Variants in TACC2 observed in about 807,000 individuals in gnomAD.
The protein encoded by TACC2 is transforming acidic coiled-coil containing protein 2.
TACC2 carries 137 observed loss-of-function variants against 227.3 expected under a neutral mutation model. The observed-to-expected ratio is 0.60, with a 90% confidence interval of 0.52 to 0.69. TACC2 has a LOEUF of 0.69. Ranked by LOEUF, TACC2 falls within the 30% of genes least tolerant of loss-of-function variation. The pLI is 0.00. For missense variants in TACC2, 3,470 were observed against 3,694.4 expected (o/e 0.94, Z 1.57); for synonymous variants, 1,523 against 1,487.5 (o/e 1.02, Z -0.55).
intron 2 of TACC2, among the ~76,000 whole-genome samples, chr10:122,049,600 G>T (rs533186369): frequency 6.6e-6 from 1 of 152,252 alleles, no homozygotes; most frequent in South Asian, 2.1e-4. Flanking sequence ...GGGGCACAGG[G>T]TCGCCGCTGG....
chr10:122,247,062 G>C (rs954749159), intron 19 of TACC2: 99 of 152,784 alleles, frequency 6.5e-4, no homozygotes, highest in African/African-American at 2.4e-3. Context: ...GTAGAGGGCA[G>C]AGCATGTGGG....
chr10:122,179,376 A>G (rs1417170437), intron 7 of TACC2, among the ~76,000 whole-genome samples: 2 of 152,240 alleles, frequency 1.3e-5, no homozygotes, highest in Non-Finnish European at 2.9e-5. Context: ...CAGTATATAA[A>G]GGATTCAGAA....
intron 7 of TACC2, among the ~76,000 whole-genome samples, chr10:122,170,386 T>C (rs2093412945): frequency 6.8e-6 from 1 of 147,738 alleles, no homozygotes; most frequent in Non-Finnish European, 1.5e-5. Context: ...TTCTCCTGCC[T>C]CAGCCTCCCA....
chr10:122,229,882 C>G (rs1479714987), intron 15 of TACC2, among the ~76,000 whole-genome samples: 1 of 152,166 alleles, frequency 6.6e-6, no homozygotes, highest in East Asian at 1.9e-4. Context: ...CTCAGTCTTG[C>G]ATCTGGAACC....
intron 1 of TACC2, among the ~76,000 whole-genome samples, chr10:122,003,021 G>A (rs1342662070): frequency 2.6e-5 from 4 of 152,062 alleles, no homozygotes; most frequent in Non-Finnish European, 4.4e-5. Context: ...TGGCCAACAT[G>A]GTGAAACCCC....
intron 6 of TACC2, among the ~76,000 whole-genome samples, chr10:122,142,285 G>A (rs536092039): frequency 6.5e-4 from 99 of 152,350 alleles, no homozygotes; most frequent in African/African-American, 2.3e-3. Flanking sequence ...GACACTTGGC[G>A]GTATCCCCTC....
intron 2 of TACC2, among the ~76,000 whole-genome samples, chr10:122,040,628 C>T (rs1333078550): frequency 1.3e-5 from 2 of 152,026 alleles, no homozygotes; most frequent in African/African-American, 2.4e-5. Flanking sequence ...TAGCTCTGAC[C>T]GTGTGGGGAG....
chr10:122,034,948 T>A (rs1207738934), intron 2 of TACC2, among the ~76,000 whole-genome samples: 1 of 150,978 alleles, frequency 6.6e-6, no homozygotes, highest in East Asian at 1.9e-4. Flanking sequence ...AAAAAAAAGT[T>A]TTGGAATCAG....
At chr10:122,042,234 T>A (rs896797456) in intron 2 of TACC2, among the ~76,000 whole-genome samples, 3 of 151,878 alleles carry the variant, frequency 2.0e-5, no homozygotes, top group African/African-American at 7.3e-5. Context: ...CGTAAGCCAC[T>A]GCACATGGCC....
chr10:122,157,239 T>G (rs2139679424), intron 7 of TACC2, among the ~76,000 whole-genome samples: 1 of 152,358 alleles, frequency 6.6e-6, no homozygotes. Context: ...TATGTAACCT[T>G]GTTACCATGG....
chr10:122,127,995 C>T (rs2087212131), intron 5 of TACC2, among the ~76,000 whole-genome samples: 1 of 152,234 alleles, frequency 6.6e-6, no homozygotes, highest in African/African-American at 2.4e-5. Context: ...CTGACACTCT[C>T]AGCCATGTTT....
At position 122,227,842 on chromosome 10, in the gene TACC2, G is replaced by A; in HGVS notation, c.7730G>A (p.Ser2577Asn). Residue 2577 changes from serine (S) to asparagine (N), a missense_variant, in exon 14 of 23, where the codon AGT becomes AAT. Physicochemically the swap from Ser to Asn is conservative, Grantham distance 46. Around this residue, in one of 10 missense-constraint regions of TACC2, gnomAD observed 345 missense variants for 354.4 expected, o/e 0.97. Coordinates refer to ENST00000369005, the MANE Select transcript of TACC2 (RefSeq NM_206862.4). ...ATGCCCTTTGCTTCCCCCAGGTCAA[G>A]TTTTGAAGAGACTGAAGCCCTTGTG... The part of the protein sequence containing the change: ...SESPTPCSGS[S>N]FEETEALVNT... 1 of 1,610,832 alleles carries A rather than the reference G, an allele frequency of 6.2e-7. No individual in the cohort carries two copies. The highest frequency in any genetic ancestry group is 1.7e-4 in the Middle Eastern group (1 of 6,044).
intron 13 of TACC2, among the ~76,000 whole-genome samples, chr10:122,226,935 G>A (rs750443651): frequency 5.3e-5 from 8 of 152,148 alleles, no homozygotes; most frequent in South Asian, 2.1e-4. Context: ...TTCAAAGCTC[G>A]AATCCCACCT....
At chr10:122,203,788 T>C (rs530957313) in intron 8 of TACC2, among the ~76,000 whole-genome samples, 1 of 152,202 alleles carries the variant, frequency 6.6e-6, no homozygotes, top group South Asian at 2.1e-4. Flanking sequence ...TCTCTGCACT[T>C]TGGGAGGCCA....
chr10:122,215,016 C>T (rs949530574), intron 9 of TACC2, among the ~76,000 whole-genome samples: 2 of 152,124 alleles, frequency 1.3e-5, no homozygotes, highest in African/African-American at 4.8e-5. Flanking sequence ...AGCCTAGAGC[C>T]CCTCCCCTAG....
rs774454610 is a variant in TACC2 at position 122,085,359 on chromosome 10, C to A, written c.2859C>A (p.Cys953Ter). ...GGGAGAAGCGGCCAGAGGGAGCATG[C>A]GGTGATGGTCAGTCCTCGAGGGTCT... ...ALGEKRPEGA[C>*]GDGQSSRVSP... Residue 953 changes from cysteine (C) to a stop codon, truncating the protein, a stop_gained, in exon 4 of 23, where the codon TGC (cysteine) becomes TGA (stop). Coordinates refer to ENST00000369005, the MANE Select transcript of TACC2 (RefSeq NM_206862.4). LOFTEE classifies it high-confidence loss of function. The A allele has an allele frequency of 1.2e-6, 2 of 1,613,814 alleles. No individual in the cohort carries two copies. Among genetic ancestry groups the A allele is most frequent in the Admixed American group, 1.7e-5 (1 of 59,986 alleles).
At position 122,059,059 on chromosome 10, in the gene TACC2, A is replaced by ATTTTTTTTT. The variant is rs370288691; in HGVS notation, c.146+8512_146+8513insTTTTTTTTT. ...AGGCGCCTGCCACTACGCCTGGCTAATTTGTTGTTGTTGTTGTTGTTGTTG... is the reference window on the plus strand; with the variant it reads ...AGGCGCCTGCCACTACGCCTGGCTAATTTTTTTTTTTTGTTGTTGTTGTTGTTGTTGTTG... On this transcript the variant is annotated intron_variant, in intron 3 of 22. Transcript: ENST00000369005. Among the ~76,000 whole-genome samples, 6 of 119,250 alleles carry ATTTTTTTTT rather than the reference A, an allele frequency of 5.0e-5. 2 individuals carry two copies. Among genetic ancestry groups the ATTTTTTTTT allele is most frequent in the South Asian group, 2.9e-4 (1 of 3,412 alleles). 78.2% of individuals were successfully genotyped at this position (119,250 alleles called of 152,430 possible). A position where few individuals can be genotyped will look rare whatever the true frequency, so the allele number is the denominator to read the frequency against.
At chr10:122,218,375 G>A (rs1331724569) in intron 11 of TACC2, among the ~76,000 whole-genome samples, 1 of 152,094 alleles carries the variant, frequency 6.6e-6, no homozygotes, top group Non-Finnish European at 1.5e-5. Flanking sequence ...TGTCTGAGTG[G>A]AGTGGTGGTG....
chr10:122,000,188 G>A (rs1193882242), intron 1 of TACC2, among the ~76,000 whole-genome samples: 2 of 152,276 alleles, frequency 1.3e-5, no homozygotes, highest in African/African-American at 2.4e-5. Flanking sequence ...TCAGGAGATC[G>A]AGACCACGGT....
Sources: gnomAD v4.1 joint callset for allele counts (sites outside exome capture counted in the v4.1 genomes callset) on GRCh38, gnomAD v4.1.1 for gene constraint, gnomAD v4.1.1 regional missense constraint, MANE v1.5 for transcripts, NCBI Gene and HGNC (gene_info 2026-07-23, HGNC 2026-07-21) for gene names.